The following TMEM108 variants were observed in gnomAD, a reference collection of about 807,000 sequenced individuals.
TMEM108 encodes the protein transmembrane protein 108, also known as cancer/testis antigen 124.
In TMEM108, 12 loss-of-function variants were observed where a neutral mutation model predicts 35.1. The ratio of observed to expected loss-of-function variants is 0.34; its 90% confidence interval spans 0.22 to 0.55. The LOEUF is 0.55. Ranked by LOEUF, TMEM108 falls within the 20% of genes least tolerant of loss-of-function variation. The pLI is 0.89. For synonymous variants in TMEM108, 287 were observed against 308.6 expected (o/e 0.93, Z 0.73); for missense variants, 680 against 753.3 (o/e 0.90, Z 1.14).
chr3:133,316,268 T>G (rs757654828), intron 3 of TMEM108, among the ~76,000 whole-genome samples: 6 of 152,226 alleles, frequency 3.9e-5, no homozygotes, highest in African/African-American at 9.6e-5. Context: ...GTGGTGAGAC[T>G]ATGGGCACTC....
chr3:133,141,870 C>G (rs1288712510), intron 2 of TMEM108, among the ~76,000 whole-genome samples: 2 of 152,132 alleles, frequency 1.3e-5, no homozygotes, highest in African/African-American at 2.4e-5. Context: ...AGAAAAAAAT[C>G]ATGTAATTGG....
At chr3:133,377,106 C>A (rs1361131386) in intron 3 of TMEM108, among the ~76,000 whole-genome samples, 4 of 152,112 alleles carry the variant, frequency 2.6e-5, no homozygotes, top group Non-Finnish European at 4.4e-5. Flanking sequence ...CCAGTCAGAT[C>A]GAATTAGGGC....
intron 2 of TMEM108, among the ~76,000 whole-genome samples, chr3:133,057,015 G>A (rs1048616902): frequency 5.3e-5 from 8 of 152,066 alleles, no homozygotes; most frequent in Non-Finnish European, 7.4e-5. Flanking sequence ...ACAAGCCCTC[G>A]GAGTTTATTT....
chr3:133,305,515 A>AAAT (rs2071019555), intron 3 of TMEM108, among the ~76,000 whole-genome samples: 1 of 151,024 alleles, frequency 6.6e-6, no homozygotes, highest in Non-Finnish European at 1.5e-5. Flanking sequence ...AAAGTATAAT[A>AAAT]AAATAAATAA....
chr3:133,195,393 A>C (rs574152031), intron 2 of TMEM108, among the ~76,000 whole-genome samples: 1 of 152,184 alleles, frequency 6.6e-6, no homozygotes, highest in Non-Finnish European at 1.5e-5. Context: ...TTCTCTTCCA[A>C]ACATTCTTCT....
At position 133,370,919 on chromosome 3, in the gene TMEM108, T is replaced by TGCGC. The variant is rs1553770118; in HGVS notation, c.41-8832_41-8831insCGCG. 2.5e-4 allele frequency among the ~76,000 whole-genome samples: 34 copies of TGCGC among 136,788 alleles called. 2 individuals carry two copies. The highest frequency in any genetic ancestry group is 8.8e-4 in the African/African-American group (33 of 37,342). 89.7% of individuals were successfully genotyped at this position (136,788 alleles called of 152,430 possible). On this transcript the variant is annotated intron_variant, in intron 3 of 5. Coordinates refer to ENST00000321871, the MANE Select transcript of TMEM108 (RefSeq NM_023943.4). ...GTGTGTGTGTGTGTGTGTGTGTGTGTGTGCCAGGAAGCTTCATGGCCCTCC... is the reference window on the plus strand; with the variant it reads ...GTGTGTGTGTGTGTGTGTGTGTGTGTGCGCGTGCCAGGAAGCTTCATGGCCCTCC...
chr3:133,072,118 T>G (rs910502236), intron 2 of TMEM108, among the ~76,000 whole-genome samples: 1 of 152,142 alleles, frequency 6.6e-6, no homozygotes, highest in Non-Finnish European at 1.5e-5. Context: ...CATTTGACCA[T>G]GCACAAGGAG....
Position 133,380,383 on chromosome 3 carries a change from C to T in TMEM108, c.672C>T (p.Phe224=). ...GKIFQIYKGN[F]TGSVEPEPST... is the part of the protein sequence containing the mutation. ...TCTTTCAGATCTACAAGGGCAACTTCACAGGGTCTGTGGAACCGGAGCCCT... is the reference window on the plus strand; with the variant it reads ...TCTTTCAGATCTACAAGGGCAACTTTACAGGGTCTGTGGAACCGGAGCCCT... Residue 224 remains phenylalanine, a synonymous_variant, in exon 4 of 6, where the codon TTC becomes TTT. Coordinates refer to ENST00000321871, the MANE Select transcript of TMEM108 (RefSeq NM_023943.4). This position sits in a 1 kb window ranked among gnomAD's most constrained non-coding sequence, Gnocchi z 5.3. The T allele has an allele frequency of 6.2e-7, 1 of 1,613,836 alleles. No homozygotes were observed. The highest frequency in any genetic ancestry group is 8.5e-7 in the Non-Finnish European group (1 of 1,179,838).
At chr3:133,127,303 A>G (rs1391765778) in intron 2 of TMEM108, among the ~76,000 whole-genome samples, 1 of 152,226 alleles carries the variant, frequency 6.6e-6, no homozygotes, top group Non-Finnish European at 1.5e-5. Context: ...CACATTAGCC[A>G]CGTTTTAAGC....
intron 3 of TMEM108, chr3:133,378,456 G>A (rs2072907511): frequency 1.0e-6 from 1 of 985,350 alleles, no homozygotes; most frequent in African/African-American, 1.7e-5. Flanking sequence ...ATTAGACGCA[G>A]ACAGAGATCT....
chr3:133,143,795 G>T (rs1944673326), intron 2 of TMEM108, among the ~76,000 whole-genome samples: 1 of 152,052 alleles, frequency 6.6e-6, no homozygotes, highest in Admixed American at 6.6e-5. Context: ...GACCACGCTG[G>T]TGTCTCGCCA....
chr3:133,287,951 C>G (rs1947008285), intron 3 of TMEM108, among the ~76,000 whole-genome samples: 1 of 152,096 alleles, frequency 6.6e-6, no homozygotes, highest in Non-Finnish European at 1.5e-5. Flanking sequence ...CAACGTCATC[C>G]CTTGCTCACT....
intron 2 of TMEM108, among the ~76,000 whole-genome samples, chr3:133,055,699 A>G (rs747633607): frequency 9.2e-5 from 14 of 152,132 alleles, no homozygotes; most frequent in Admixed American, 4.6e-4. Context: ...CTTTGCCTTC[A>G]CTTTTCAAAC....
intron 2 of TMEM108, among the ~76,000 whole-genome samples, chr3:133,094,656 T>G (rs996711610): frequency 2.0e-5 from 3 of 152,208 alleles, no homozygotes; most frequent in African/African-American, 7.2e-5. Flanking sequence ...CCTGGCCCCT[T>G]GCAGGGATAG....
At chr3:133,299,415 G>C (rs2107701643) in intron 3 of TMEM108, among the ~76,000 whole-genome samples, 1 of 152,244 alleles carries the variant, frequency 6.6e-6, no homozygotes, top group East Asian at 1.9e-4. Flanking sequence ...GTATAGACGG[G>C]GTTGGAGTTG....
chr3:133,308,604 A>G (rs1387147343), intron 3 of TMEM108, among the ~76,000 whole-genome samples: 3 of 152,172 alleles, frequency 2.0e-5, no homozygotes, highest in Non-Finnish European at 4.4e-5. Context: ...CCTTTTCTGC[A>G]CCTATTGAGA....
intron 3 of TMEM108, among the ~76,000 whole-genome samples, chr3:133,251,699 T>G (rs767553366): frequency 4.6e-5 from 7 of 152,102 alleles, no homozygotes; most frequent in Non-Finnish European, 1.0e-4. Context: ...TTTGCTCCTA[T>G]CCCACTGTCT....
chr3:133,143,025 C>T (rs1944662645), intron 2 of TMEM108, among the ~76,000 whole-genome samples: 1 of 152,236 alleles, frequency 6.6e-6, no homozygotes, highest in Admixed American at 6.5e-5. Context: ...ATATTATACC[C>T]CTTCTCTATC....
chr3:133,361,671 C>T (rs1513371), intron 3 of TMEM108, among the ~76,000 whole-genome samples: 1 of 152,128 alleles, frequency 6.6e-6, no homozygotes, highest in Non-Finnish European at 1.5e-5. Flanking sequence ...GAGGCTTGGA[C>T]AGCTGGGACT....
Sources: allele counts gnomAD v4.1 joint callset (sites outside exome capture counted in the v4.1 genomes callset), GRCh38; gene constraint gnomAD v4.1.1; non-coding constraint Gnocchi (gnomAD v3.1); transcripts MANE v1.5; gene names NCBI Gene and HGNC (gene_info 2026-07-23, HGNC 2026-07-21).